Variants in AXDND1 observed in about 807,000 individuals in gnomAD.
AXDND1 encodes the protein axonemal dynein light chain domain containing 1.
A neutral mutation model predicts 137.5 loss-of-function variants in AXDND1; 110 were observed. The observed-to-expected ratio is 0.80, with a 90% CI of 0.69 to 0.94. AXDND1 has a LOEUF of 0.94. Ranked by LOEUF, AXDND1 falls within the 40% of genes least tolerant of loss-of-function variation. AXDND1 has a pLI of 0.00. For missense variants in AXDND1, 1,191 were observed against 1,169.8 expected (o/e 1.02, Z -0.26); for synonymous variants, 414 against 399.7 (o/e 1.04, Z -0.43).
chr1:179,442,723 G>C (rs527850444), intron 15 of AXDND1, among the ~76,000 whole-genome samples: 1 of 152,178 alleles, frequency 6.6e-6, no homozygotes, highest in South Asian at 2.1e-4. Flanking sequence ...GACTCATCCC[G>C]GGGTCACTGT....
chr1:179,550,655 G>T (rs947487836), intron 25 of AXDND1: 5 of 174,466 alleles, frequency 2.9e-5, no homozygotes, highest in Admixed American at 5.4e-5. Flanking sequence ...TCAGGGTTAG[G>T]TGTGAGGAAT....
intron 11 of AXDND1, among the ~76,000 whole-genome samples, chr1:179,403,613 G>A (rs890218753): frequency 5.3e-5 from 8 of 152,052 alleles, no homozygotes; most frequent in Non-Finnish European, 1.0e-4. Context: ...TCGCTCTGTC[G>A]CCCAGGCTGG....
intron 20 of AXDND1, among the ~76,000 whole-genome samples, chr1:179,501,438 G>A (rs771236391): frequency 6.6e-6 from 1 of 152,178 alleles, no homozygotes; most frequent in Non-Finnish European, 1.5e-5. Flanking sequence ...GGGGCTGGGT[G>A]CAGTGGCTCA....
Position 179,491,674 on chromosome 1 carries a change from G to C in AXDND1, c.2228G>C (p.Arg743Pro). The change falls in exon 19 of 26, where the codon CGA becomes CCA. Residue 743 changes from arginine to proline, a missense_variant. By Grantham distance (103) the Arg-to-Pro change is moderately radical (BLOSUM62 -2). Transcript: ENST00000367618. ...SAEKHDIGVA[R>P]LELDAIELTR... ...GAGAAACATGATATAGGAGTTGCGC[G>C]ATTGGAGCTAGATGCGATTGAACTG... 6.2e-7 allele frequency: 1 copy of C among 1,611,604 alleles called. No homozygotes were observed. Among genetic ancestry groups the C allele is most frequent in the Non-Finnish European group, 8.5e-7 (1 of 1,179,164 alleles).
chr1:179,432,238 G>A (rs1657477506), intron 14 of AXDND1, 29 bp from the exon 15 acceptor site: 3 of 1,495,938 alleles, frequency 2.0e-6, no homozygotes, highest in East Asian at 2.4e-5. Context: ...GTTCTGAGAT[G>A]TTTCTCTTTT....
intron 11 of AXDND1, among the ~76,000 whole-genome samples, chr1:179,409,638 C>G (rs1288863568): frequency 1.3e-5 from 2 of 152,036 alleles, no homozygotes; most frequent in African/African-American, 4.8e-5. Flanking sequence ...CCCAGCACCC[C>G]TGGGAGGCTG....
intron 2 of AXDND1, among the ~76,000 whole-genome samples, chr1:179,367,047 C>T (rs1667496904): frequency 6.6e-6 from 1 of 151,610 alleles, no homozygotes; most frequent in Non-Finnish European, 1.5e-5. Context: ...ATGATGAAAT[C>T]CCGTCTCTAC....
Position 179,552,595 on chromosome 1 carries a change from G to A in AXDND1, c.3032-1917G>A. The A allele has an allele frequency of 1.9e-6, 3 of 1,612,316 alleles. No homozygotes were observed. Among genetic ancestry groups the A allele is most frequent in the Non-Finnish European group, 2.5e-6 (3 of 1,178,784 alleles). On this transcript the variant is annotated intron_variant, in intron 25 of 25. Coordinates refer to ENST00000367618, the MANE Select transcript of AXDND1 (RefSeq NM_144696.6). The stretch of plus-strand genomic sequence containing the variant: ...AGGGCAGTCTGGGTGGGAGGATGGA[G>A]TGCTCACCCGCACTTTGGCTTGTCT...
chr1:179,533,634 T>G, intron 23 of AXDND1, among the ~76,000 whole-genome samples, 161 bp from the exon 24 acceptor site: 1 of 152,018 alleles, frequency 6.6e-6, no homozygotes, highest in East Asian at 1.9e-4. Flanking sequence ...CCCTTTTTTT[T>G]TTTTTTTTTT....
chr1:179,450,545 A>G (rs1293646422), intron 16 of AXDND1: 2 of 151,368 alleles, frequency 1.3e-5, no homozygotes, highest in African/African-American at 4.9e-5. Context: ...AATGTGTGGG[A>G]TTTTTTTTTA....
intron 8 of AXDND1, among the ~76,000 whole-genome samples, chr1:179,384,596 T>C (rs1216585523): frequency 6.6e-6 from 1 of 152,174 alleles, no homozygotes; most frequent in African/African-American, 2.4e-5. Context: ...TCTTTGTTTT[T>C]CTTGACCTTG....
intron 12 of AXDND1, among the ~76,000 whole-genome samples, chr1:179,418,694 G>A (rs530191513): frequency 0.017 from 2,556 of 151,494 alleles, 70 homozygotes; most frequent in African/African-American, 0.057. Context: ...CCTCCCGGAC[G>A]GGGCGGCTGG....
At chr1:179,458,633 A>G (rs1661764400) in intron 16 of AXDND1, among the ~76,000 whole-genome samples, 1 of 152,090 alleles carries the variant, frequency 6.6e-6, no homozygotes, top group Non-Finnish European at 1.5e-5. Flanking sequence ...CATTTCATAA[A>G]AATATTAAGA....
At chr1:179,418,966 C>T (rs1195492684) in intron 12 of AXDND1, among the ~76,000 whole-genome samples, 1 of 151,930 alleles carries the variant, frequency 6.6e-6, no homozygotes, top group African/African-American at 2.4e-5. Context: ...AGGCGCTCCT[C>T]ACATCCCAGA....
intron 12 of AXDND1, among the ~76,000 whole-genome samples, chr1:179,417,477 T>G (rs1260120575): frequency 6.6e-6 from 1 of 152,208 alleles, no homozygotes; most frequent in Non-Finnish European, 1.5e-5. Context: ...TTGTTTTAGT[T>G]TCAGGTCTTA....
At chr1:179,488,678 T>G (rs1666456115) in intron 18 of AXDND1, among the ~76,000 whole-genome samples, 1 of 137,128 alleles carries the variant, frequency 7.3e-6, no homozygotes, top group Non-Finnish European at 1.5e-5. Context: ...TTTCTTTCTT[T>G]CTTTCTTTCT....
chr1:179,401,472 A>C (rs1236757726), intron 11 of AXDND1, among the ~76,000 whole-genome samples: 1 of 152,162 alleles, frequency 6.6e-6, no homozygotes, highest in Non-Finnish European at 1.5e-5. Flanking sequence ...TTGATTGAAG[A>C]GTGATTGAAT....
intron 15 of AXDND1, among the ~76,000 whole-genome samples, chr1:179,443,576 C>A (rs920540155): frequency 1.3e-5 from 2 of 152,122 alleles, no homozygotes; most frequent in African/African-American, 4.8e-5. Flanking sequence ...CTCCCCCAAC[C>A]CCCTGGGCAA....
At chr1:179,486,938 A>C (rs992761629) in intron 18 of AXDND1, among the ~76,000 whole-genome samples, 1 of 148,770 alleles carries the variant, frequency 6.7e-6, no homozygotes, top group Non-Finnish European at 1.5e-5. Context: ...AGCTAACAAC[A>C]TGATGACAGG....
Sources: gnomAD v4.1 joint callset for allele counts (sites outside exome capture counted in the v4.1 genomes callset) on GRCh38, gnomAD v4.1.1 for gene constraint, MANE v1.5 for transcripts, NCBI Gene and HGNC (gene_info 2026-07-23, HGNC 2026-07-21) for gene names.